The following ATP2B4 variants were observed in gnomAD, a reference collection of about 807,000 sequenced individuals.
The protein encoded by ATP2B4 is ATPase plasma membrane Ca2+ transporting 4.
A neutral mutation model predicts 110.3 loss-of-function variants in ATP2B4; 39 were observed. The ratio of observed to expected loss-of-function variants is 0.35; its 90% CI spans 0.27 to 0.46. ATP2B4 has a LOEUF of 0.46. Among genes scored for constraint, ATP2B4 ranks in the 20% least tolerant of loss-of-function variants. ATP2B4 has a pLI of 1.00. For synonymous variants in ATP2B4, 538 were observed against 571.7 expected (o/e 0.94, Z 0.84); for missense variants, 1,135 against 1,530.9 (o/e 0.74, Z 4.32).
chr1:203,707,050 T>C lies in ATP2B4; in HGVS notation c.1141T>C (p.Tyr381His). The C allele has an allele frequency of 6.2e-7, 1 of 1,614,102 alleles. No individual in the cohort carries two copies. Among genetic ancestry groups the C allele is most frequent in the East Asian group, 2.2e-5 (1 of 44,874 alleles). ...TCTCACGGTTTTCATCCTGATTCTA[T>C]ACTTTGTGATTGACAACTTTGTGAT... ...SALTVFILIL[Y>H]FVIDNFVINR... Residue 381 changes from tyrosine to histidine, a missense_variant, in exon 9 of 21, where the codon TAC becomes CAC. This residue lies in a region of ATP2B4 where 162 missense variants were observed against 210.5 expected (regional missense o/e 0.77). Coordinates refer to ENST00000357681, the MANE Select transcript of ATP2B4 (RefSeq NM_001684.5).
At chr1:203,639,885 A>G (rs576691337) in intron 1 of ATP2B4, among the ~76,000 whole-genome samples, 37 of 152,318 alleles carry the variant, frequency 2.4e-4, no homozygotes, top group African/African-American at 8.7e-4. Flanking sequence ...GAAGCCCTCC[A>G]GTTCCTCCTC....
intron 8 of ATP2B4, among the ~76,000 whole-genome samples, chr1:203,705,258 A>T (rs1025928743): frequency 6.6e-6 from 1 of 152,218 alleles, no homozygotes; most frequent in Non-Finnish European, 1.5e-5. Context: ...AGCTAATTTT[A>T]ACTACTGTGA....
At chr1:203,682,494 C>A (rs141652818) in intron 1 of ATP2B4, among the ~76,000 whole-genome samples, 60 of 152,222 alleles carry the variant, frequency 3.9e-4, no homozygotes, top group African/African-American at 1.4e-3. Flanking sequence ...AGAGGTGAGA[C>A]GTGAAGACTC....
chr1:203,731,094 G>A (rs1044209327), intron 20 of ATP2B4, among the ~76,000 whole-genome samples: 2 of 152,154 alleles, frequency 1.3e-5, no homozygotes, highest in African/African-American at 2.4e-5. Flanking sequence ...ACTGAAGAAG[G>A]TGTCTCTACA....
intron 1 of ATP2B4, among the ~76,000 whole-genome samples, chr1:203,643,851 A>T (rs1016071697): frequency 6.6e-6 from 1 of 152,154 alleles, no homozygotes; most frequent in African/African-American, 2.4e-5. Context: ...CACTGAGCCC[A>T]CTCATCAGCC....
At chr1:203,733,711 TG>T in intron 20 of ATP2B4, 1 of 298,380 alleles carries the variant, frequency 3.4e-6, no homozygotes, top group Non-Finnish European at 6.1e-6. Context: ...TTGCCTTTTT[TG>T]TTTGTCTGTT....
chr1:203,714,092 TAGA>T (rs1449268621), intron 14 of ATP2B4, 76 bp from the exon 15 acceptor site: 15 of 1,320,886 alleles, frequency 1.1e-5, no homozygotes, highest in African/African-American at 1.4e-5. Flanking sequence ...AAGAAGAAAG[TAGA>T]AGGAGTGGCG....
chr1:203,704,977 A>G (rs1410372819), intron 8 of ATP2B4, among the ~76,000 whole-genome samples: 1 of 152,184 alleles, frequency 6.6e-6, no homozygotes, highest in Non-Finnish European at 1.5e-5. Flanking sequence ...GGATGCCAGC[A>G]CCGCTGATTC....
At chr1:203,659,809 T>C (rs1168112770) in intron 1 of ATP2B4, among the ~76,000 whole-genome samples, 1 of 151,134 alleles carries the variant, frequency 6.6e-6, no homozygotes, top group Non-Finnish European at 1.5e-5. Context: ...AAAAGCTGGG[T>C]GTGGTGGCTC....
chr1:203,700,425 A>G (rs1665657025), intron 5 of ATP2B4, 94 bp downstream of exon 5: 4 of 1,472,058 alleles, frequency 2.7e-6, no homozygotes, highest in Non-Finnish European at 2.7e-6. Context: ...ACTCTGTCCC[A>G]TCTCCTTCCC....
intron 12 of ATP2B4, 120 bp from the exon 13 acceptor site, chr1:203,711,840 G>T (rs994478765): frequency 8.8e-6 from 10 of 1,140,898 alleles, no homozygotes; most frequent in African/African-American, 4.7e-5. Flanking sequence ...AGCCCATGCT[G>T]CATGGCACCA....
At chr1:203,731,647 C>T (rs759619240) in intron 20 of ATP2B4, among the ~76,000 whole-genome samples, 3 of 151,154 alleles carry the variant, frequency 2.0e-5, no homozygotes, top group Non-Finnish European at 4.4e-5. Flanking sequence ...GTCAGGAGTT[C>T]GAGACCAGCC....
intron 1 of ATP2B4, among the ~76,000 whole-genome samples, chr1:203,639,601 G>C (rs1663565034): frequency 6.6e-6 from 1 of 152,210 alleles, no homozygotes; most frequent in African/African-American, 2.4e-5. Flanking sequence ...GCAGCCCCTG[G>C]TGTTAGCAGT....
Position 203,707,992 on chromosome 1 carries a change from T to G in ATP2B4, c.1445T>G (p.Ile482Ser), listed in dbSNP as rs770123628. ...CGCATGACTGTGGTACAAGCTTATA[T>G]TGGGGGCATCCATTACCGTCAAATC... ...MNRMTVVQAYIGGIHYRQIPS... is the reference protein window; with the variant it reads ...MNRMTVVQAYSGGIHYRQIPS... The change falls in exon 10 of 21, where the codon ATT becomes AGT. Residue 482 changes from isoleucine (I) to serine (S), a missense_variant. Physicochemically the swap from Ile to Ser is moderately radical, Grantham distance 142. Coordinates refer to ENST00000357681, the MANE Select transcript of ATP2B4 (RefSeq NM_001684.5). 6.2e-7 allele frequency: 1 copy of G among 1,614,190 alleles called. No individual in the cohort carries two copies. Among genetic ancestry groups the G allele is most frequent in the Non-Finnish European group, 8.5e-7 (1 of 1,180,040 alleles).
intron 1 of ATP2B4, among the ~76,000 whole-genome samples, chr1:203,647,847 C>T (rs1187704396): frequency 6.6e-6 from 1 of 152,024 alleles, no homozygotes; most frequent in Admixed American, 6.5e-5. Flanking sequence ...CACCTGGAGC[C>T]AGCCTAGGTG....
chr1:203,702,803 C>T lies in ATP2B4; in HGVS notation c.937+724C>T, dbSNP rs114961424. Among the ~76,000 whole-genome samples the T allele has an allele frequency of 3.6e-3, 545 of 152,296 alleles. 7 individuals are homozygous for T. The highest frequency in any genetic ancestry group is 0.012 in the African/African-American group (515 of 41,566). On this transcript the variant is annotated intron_variant, in intron 7 of 20. Coordinates refer to ENST00000357681, the MANE Select transcript of ATP2B4 (RefSeq NM_001684.5). The stretch of plus-strand genomic sequence containing the variant: ...GCCAGCAAGAACTACTGTCTTGTGA[C>T]GCTCCTAGAGATTTGTTTTTACTTT...
chr1:203,658,596 G>A (rs532887150), intron 1 of ATP2B4, among the ~76,000 whole-genome samples: 1 of 152,132 alleles, frequency 6.6e-6, no homozygotes, highest in South Asian at 2.1e-4. Flanking sequence ...TGGTAAACAT[G>A]GAGTGAAATC....
rs563856094 is a variant in ATP2B4 at position 203,663,948 on chromosome 1, C to T, written c.-464-18794C>T. ...TAGGACCTTGTAGTATGGAGTATGC[C>T]TTAGCTTCTTCTAGGCTCTTCCTGT... On this transcript the variant is annotated intron_variant, in intron 1 of 20. Coordinates refer to ENST00000357681, the MANE Select transcript of ATP2B4 (RefSeq NM_001684.5). Among the ~76,000 whole-genome samples, 367 of 152,242 alleles carry T rather than the reference C, an allele frequency of 2.4e-3. 2 individuals carry two copies. Among genetic ancestry groups the T allele is most frequent in the Non-Finnish European group, 2.0e-3 (136 of 68,010 alleles).
At chr1:203,705,374 C>A (rs930813119) in intron 8 of ATP2B4, among the ~76,000 whole-genome samples, 5 of 152,198 alleles carry the variant, frequency 3.3e-5, no homozygotes, top group Non-Finnish European at 7.4e-5. Flanking sequence ...TTGTACTATT[C>A]TCCTAATCCT....
Sources: gnomAD v4.1 joint callset for allele counts (sites outside exome capture counted in the v4.1 genomes callset) on GRCh38, gnomAD v4.1.1 for gene constraint, gnomAD v4.1.1 regional missense constraint, MANE v1.5 for transcripts, NCBI Gene and HGNC (gene_info 2026-07-23, HGNC 2026-07-21) for gene names.